Variants in POU6F1 observed in about 807,000 individuals in gnomAD.
POU6F1 encodes POU class 6 homeobox 1, also known as POU domain, class 6, transcription factor 1.
POU6F1 carries 9 observed loss-of-function variants against 28.9 expected under a neutral mutation model. The observed-to-expected ratio is 0.31, with a 90% CI of 0.19 to 0.54. The LOEUF is 0.54. Ranked by LOEUF, POU6F1 falls within the 20% of genes least tolerant of loss-of-function variation. The probability of loss-of-function intolerance (pLI) is 0.94; values close to 1 mark genes in which losing one functional copy is unlikely to be tolerated. For missense variants in POU6F1, 338 were observed against 426.1 expected (o/e 0.79, Z 1.82); for synonymous variants, 173 against 171.1 (o/e 1.01, Z -0.09).
chr12:51,198,967 C>T (rs1354615425), intron 4 of POU6F1, among the ~76,000 whole-genome samples, 192 bp from the exon 5 acceptor site: 3 of 152,186 alleles, frequency 2.0e-5, no homozygotes, highest in Non-Finnish European at 4.4e-5. Flanking sequence ...GTGCCTGGAC[C>T]GACTATCCTG....
intron 1 of POU6F1, among the ~76,000 whole-genome samples, chr12:51,215,202 C>T (rs930939309): frequency 1.3e-5 from 2 of 152,032 alleles, no homozygotes; most frequent in African/African-American, 2.4e-5. Flanking sequence ...AAACACACAC[C>T]CTACTTCAAA....
intron 5 of POU6F1, 59 bp downstream of exon 5, chr12:51,198,491 T>C (rs1592158197): frequency 2.5e-6 from 1 of 393,714 alleles, no homozygotes; most frequent in Non-Finnish European, 4.5e-6. Flanking sequence ...CAAGCACACG[T>C]GCGGGGGTGT....
chr12:51,215,468 T>C (rs769297328), intron 1 of POU6F1, among the ~76,000 whole-genome samples: 3 of 149,910 alleles, frequency 2.0e-5, no homozygotes, highest in Middle Eastern at 3.2e-3. Flanking sequence ...GGTGGGAGAA[T>C]TGCTTGAACC....
intron 1 of POU6F1, among the ~76,000 whole-genome samples, chr12:51,215,983 G>C (rs1365747009): frequency 3.9e-5 from 6 of 152,112 alleles, no homozygotes; most frequent in African/African-American, 1.4e-4. Context: ...CTGAAGTAAA[G>C]CATGCATATA....
intron 3 of POU6F1, chr12:51,202,022 G>C (rs1943250678): frequency 1.3e-5 from 2 of 152,098 alleles, no homozygotes; most frequent in Non-Finnish European, 2.9e-5. Context: ...ACCACACCTG[G>C]CTAATTTTTG....
intron 1 of POU6F1, among the ~76,000 whole-genome samples, chr12:51,215,125 T>C (rs377723322): frequency 3.3e-5 from 5 of 152,224 alleles, no homozygotes; most frequent in South Asian, 4.1e-4. Context: ...CTGAAAACAA[T>C]TGAAGATACG....
chr12:51,216,463 C>G (rs1415728687), intron 1 of POU6F1, among the ~76,000 whole-genome samples: 3 of 152,218 alleles, frequency 2.0e-5, no homozygotes. Flanking sequence ...AGAATAAAAA[C>G]TCCATGATAG....
In POU6F1 at chr12:51,190,956, G is replaced by T. The variant is rs1461340000; in HGVS notation, c.1491-364C>A. 6.6e-6 allele frequency among the ~76,000 whole-genome samples: 1 copy of T among 152,190 alleles called. No individual in the cohort carries two copies. The highest frequency in any genetic ancestry group is 1.5e-5 in the Non-Finnish European group (1 of 68,038). On this transcript the variant is annotated intron_variant, in intron 10 of 10. Transcript: ENST00000333640. The surrounding 1 kb of genome is among the most constrained non-coding windows in gnomAD (Gnocchi z 4.5). The stretch of plus-strand genomic sequence containing the variant: ...GGCCTCCAGTCACACTCCCATAGCA[G>T]CATCACTAACAAGTCAGGCTGCTCT...
chr12:51,190,153 G>C lies in POU6F1; in HGVS notation c.*94C>G. The C allele has an allele frequency of 2.0e-6, 3 of 1,510,770 alleles. No individual in the cohort carries two copies. Among genetic ancestry groups the C allele is most frequent in the Non-Finnish European group, 2.6e-6 (3 of 1,132,086 alleles). 93.6% of individuals were successfully genotyped at this position (1,510,770 alleles called of 1,614,324 possible). ...TGACCTGGGGTGAGCACAGCTGCAC[G>C]TGGCAAAATGACAGGTGCTGTCATG... is the stretch of plus-strand genomic sequence containing the variant. On this transcript the variant is annotated 3_prime_UTR_variant, in exon 11 of 11. Transcript: ENST00000333640. This position sits in a 1 kb window ranked among gnomAD's most constrained non-coding sequence, Gnocchi z 4.5.
chr12:51,214,673 C>A (rs1057055144), intron 1 of POU6F1, among the ~76,000 whole-genome samples: 1 of 152,158 alleles, frequency 6.6e-6, no homozygotes. Flanking sequence ...GGTAGTAGCT[C>A]ACACCTGTAA....
chr12:51,209,914 C>T (rs1280668068), intron 1 of POU6F1, among the ~76,000 whole-genome samples: 1 of 152,136 alleles, frequency 6.6e-6, no homozygotes. Flanking sequence ...CATCTAACTA[C>T]CTCAATGGGG....
chr12:51,215,555 C>CAAAAA (rs11415220), intron 1 of POU6F1, among the ~76,000 whole-genome samples: 15 of 88,552 alleles, frequency 1.7e-4, no homozygotes, highest in African/African-American at 5.0e-4. Context: ...AACCCTGTCT[C>CAAAAA]AAAAAAAAAA....
At chr12:51,216,879 T>C (rs1341409899) in intron 1 of POU6F1, among the ~76,000 whole-genome samples, 1 of 152,138 alleles carries the variant, frequency 6.6e-6, no homozygotes, top group Non-Finnish European at 1.5e-5. Flanking sequence ...AGGCTTCCAG[T>C]CGGGCTGAGT....
intron 1 of POU6F1, among the ~76,000 whole-genome samples, chr12:51,212,855 A>C (rs1944092473): frequency 6.6e-6 from 1 of 151,788 alleles, no homozygotes; most frequent in Admixed American, 6.6e-5. Context: ...ACTACAATAC[A>C]GTATGCTTAA....
chr12:51,216,205 A>G (rs1463489715), intron 1 of POU6F1, among the ~76,000 whole-genome samples: 2 of 152,166 alleles, frequency 1.3e-5, no homozygotes, highest in Non-Finnish European at 2.9e-5. Flanking sequence ...AGAAAATGTA[A>G]AAGATTACTC....
chr12:51,191,815 C>A, intron 9 of POU6F1, 51 bp from the exon 10 acceptor site: 1 of 1,602,862 alleles, frequency 6.2e-7, no homozygotes, highest in South Asian at 1.1e-5. Flanking sequence ...GGAACCATCC[C>A]TGCTTATCTG....
chr12:51,213,035 C>G (rs1397213940), intron 1 of POU6F1, among the ~76,000 whole-genome samples: 1 of 151,880 alleles, frequency 6.6e-6, no homozygotes, highest in Non-Finnish European at 1.5e-5. Flanking sequence ...CTCCCAGGTT[C>G]AAGCAATTCT....
chr12:51,204,035 C>A, intron 3 of POU6F1, 138 bp downstream of exon 3: 1 of 397,640 alleles, frequency 2.5e-6, no homozygotes. Context: ...TGACCAGAGG[C>A]ACAGGCTGTC....
rs1357176387 is a variant in POU6F1 at position 51,190,219 on chromosome 12, G to A, written c.*28C>T. 6.2e-7 allele frequency: 1 copy of A among 1,609,090 alleles called. No individual in the cohort carries two copies. The highest frequency in any genetic ancestry group is 2.2e-5 in the East Asian group (1 of 44,810). On this transcript the variant is annotated 3_prime_UTR_variant, in exon 11 of 11. Transcript: ENST00000333640. This position sits in a 1 kb window ranked among gnomAD's most constrained non-coding sequence, Gnocchi z 4.5. ...GGATGCCACGGGAAATGGACAAAGT[G>A]CTAGAACACAGGGCCAGGGGCTGAG...
Sources: allele counts gnomAD v4.1 joint callset (sites outside exome capture counted in the v4.1 genomes callset), GRCh38; gene constraint gnomAD v4.1.1; non-coding constraint Gnocchi (gnomAD v3.1); transcripts MANE v1.5; gene names NCBI Gene and HGNC (gene_info 2026-07-23, HGNC 2026-07-21).